FPGS: variants seen among roughly 807,000 people sequenced by gnomAD.
The protein encoded by FPGS is folylpolyglutamate synthase.
FPGS carries 53 observed loss-of-function variants against 66.5 expected under a neutral mutation model. That is an observed-to-expected ratio of 0.80 (90% CI 0.64 to 1.00). The LOEUF is 1.00. Among genes scored for constraint, FPGS ranks in the 50% least tolerant of loss-of-function variants. FPGS has a pLI of 0.00. For synonymous variants in FPGS, 348 were observed against 350.9 expected, an observed-to-expected ratio of 0.99 and a Z score of 0.09; for missense variants, 702 against 807.7, an observed-to-expected ratio of 0.87 and a Z score of 1.59.
intron 13 of FPGS, 73 bp from the exon 14 acceptor site, chr9:127,810,872 G>A (rs1830043308): frequency 6.6e-6 from 5 of 753,750 alleles, no homozygotes; most frequent in South Asian, 1.6e-5. Context: ...AGATGTGGGC[G>A]CAGGGGGCCA....
Position 127,803,204 on chromosome 9 carries a change from A to C in FPGS, c.138+142A>C, listed in dbSNP as rs1283491095. ...GGACTCGGGGGGCGGAACATCCTGGAGGCTGGGGGTGGGGACAGGGACCAG... is the reference window on the plus strand; with the variant it reads ...GGACTCGGGGGGCGGAACATCCTGGCGGCTGGGGGTGGGGACAGGGACCAG... On this transcript the variant is annotated intron_variant, in intron 1 of 14. Coordinates refer to ENST00000373247, the MANE Select transcript of FPGS (RefSeq NM_004957.6). 1.6e-5 allele frequency: 15 copies of C among 959,820 alleles called. No homozygotes were observed. The East Asian group carries it at 2.1e-4, about 13-fold the overall frequency. The allele number at this position is 959,820 out of a possible 1,614,324, so 59.5% of individuals were successfully genotyped here.
At chr9:127,811,783 G>C (rs1830091736) in intron 14 of FPGS, among the ~76,000 whole-genome samples, 1 of 151,954 alleles carries the variant, frequency 6.6e-6, no homozygotes, top group Non-Finnish European at 1.5e-5. Flanking sequence ...ACCACGCCCA[G>C]CCAGCATTTT....
At chr9:127,806,848 C>T in intron 4 of FPGS, 125 bp from the exon 5 acceptor site, 1 of 712,648 alleles carries the variant, frequency 1.4e-6, no homozygotes, top group Admixed American at 2.1e-5. Context: ...GGATGGGGCA[C>T]CAGGAACAAA....
In FPGS at chr9:127,810,964, C is replaced by T. The variant is rs867040154; in HGVS notation, c.1307C>T (p.Ala436Val). Residue 436 changes from alanine to valine, a missense_variant, in exon 14 of 15, where the codon GCC (alanine) becomes GTC (valine). Physicochemically the swap from Ala to Val is moderately conservative, Grantham distance 64. Around this residue, in one of 3 missense-constraint regions of FPGS, gnomAD observed 351 missense variants for 363.7 expected, o/e 0.97. Transcript: ENST00000373247. ...TTCTAGCCCTGCCAGTTTGACTATG[C>T]CGTCTTCTGCCCTAACCTGACAGAG... ...KLLQPCQFDYAVFCPNLTEVS... is the reference protein window; with the variant it reads ...KLLQPCQFDYVVFCPNLTEVS... 1 of 1,580,654 alleles carries T rather than the reference C, an allele frequency of 6.3e-7. No homozygotes were observed. The highest frequency in any genetic ancestry group is 8.6e-7 in the Non-Finnish European group (1 of 1,160,420).
At chr9:127,804,735 C>T in intron 4 of FPGS, 35 bp downstream of exon 4, 1 of 1,608,398 alleles carries the variant, frequency 6.2e-7, no homozygotes, top group South Asian at 1.1e-5. Flanking sequence ...TGTCTGTGTC[C>T]CAATGGACCC....
rs777984461 is a variant in FPGS at position 127,808,884 on chromosome 9, G to A, written c.1055G>A (p.Arg352Gln). ...GTGTTCCAGCCCACATCCCACATGC[G>A]GCTCGGTGAGTTAGACCTTCCTGCC... The part of the protein sequence containing the change: ...APVFQPTSHM[R>Q]LGLRNTEWPG... Residue 352 changes from arginine (R) to glutamine (Q), a missense_variant, in exon 11 of 15, where the codon CGG (arginine) becomes CAG (glutamine). Transcript: ENST00000373247. 3.2e-6 allele frequency: 5 copies of A among 1,559,814 alleles called. No individual in the cohort carries two copies. Among genetic ancestry groups the A allele is most frequent in the South Asian group, 2.4e-5 (2 of 84,672 alleles).
chr9:127,807,243 G>C lies in FPGS; in HGVS notation c.536G>C (p.Arg179Pro). The change falls in exon 6 of 15, where the codon CGC becomes CCC. Residue 179 changes from arginine to proline, a missense_variant. Physicochemically the swap from Arg to Pro is moderately radical, Grantham distance 103 (BLOSUM62 -2). Coordinates refer to ENST00000373247, the MANE Select transcript of FPGS (RefSeq NM_004957.6). The surrounding 1 kb of genome is among the most constrained non-coding windows in gnomAD (Gnocchi z 5.8). ...TGTGTCTCCATGCCCCCCTACTTCC[G>C]CTTCCTGACACTCATGGCCTTCCAC... ...GSCVSMPPYFRFLTLMAFHVF... is the reference protein window; with the variant it reads ...GSCVSMPPYFPFLTLMAFHVF... 1.2e-6 allele frequency: 2 copies of C among 1,614,118 alleles called. No individual in the cohort carries two copies. The highest frequency in any genetic ancestry group is 8.5e-7 in the Non-Finnish European group (1 of 1,180,020).
At chr9:127,806,469 G>A (rs547256323) in intron 4 of FPGS, 1 of 161,042 alleles carries the variant, frequency 6.2e-6, no homozygotes, top group Non-Finnish European at 1.4e-5. Context: ...TTGCACCACT[G>A]CACTCCAGCC....
chr9:127,803,094 G>A (rs746485228), intron 1 of FPGS, 32 bp downstream of exon 1: 24 of 1,363,834 alleles, frequency 1.8e-5, no homozygotes, highest in Non-Finnish European at 2.1e-5. Context: ...CAGCGGGCCT[G>A]GGCGCGACGA....
chr9:127,813,263 A>C lies in FPGS; in HGVS notation c.1423A>C (p.Asn475His). 1.2e-6 allele frequency: 2 copies of C among 1,612,516 alleles called. No homozygotes were observed. The highest frequency in any genetic ancestry group is 1.7e-6 in the Non-Finnish European group (2 of 1,179,548). Residue 475 changes from asparagine (N) to histidine (H), a missense_variant, in exon 15 of 15, where the codon AAC becomes CAC. Physicochemically the swap from Asn to His is moderately conservative, Grantham distance 68. Coordinates refer to ENST00000373247, the MANE Select transcript of FPGS (RefSeq NM_004957.6). ...LRCLEHQQHWNHLDEEQASPD... is the reference protein window; with the variant it reads ...LRCLEHQQHWHHLDEEQASPD... ...CTGCCTGGAACACCAGCAGCACTGG[A>C]ACCACCTGGACGAAGAGCAGGCCAG... is the stretch of plus-strand genomic sequence containing the variant.
rs1830056400 is a variant in FPGS, at chr9:127,811,088, G to A, written c.1354+77G>A. 6 of 765,320 alleles carry A rather than the reference G, an allele frequency of 7.8e-6. No homozygotes were observed. The South Asian group carries it at 8.7e-5, about 11-fold the overall frequency. The allele number at this position is 765,320 out of a possible 1,614,324, so 47.4% of individuals were successfully genotyped here. ...GACAGTGGGGGCTTCCAAACTGGAG[G>A]TTTGGGGTAGGAAATAAATTTGTTT... On this transcript the variant is annotated intron_variant, in intron 14 of 14. Transcript: ENST00000373247.
rs746540168 is a variant in FPGS at position 127,804,322 on chromosome 9, C to T, written c.176C>T (p.Ala59Val). The T allele has an allele frequency of 1.2e-6, 2 of 1,614,218 alleles. No individual in the cohort carries two copies. The highest frequency in any genetic ancestry group is 1.7e-6 in the Non-Finnish European group (2 of 1,180,038). The stretch of plus-strand genomic sequence containing the variant: ...ATGCTCAATACCCTGCAGACCAATG[C>T]CGGCTACCTGGAGCAGGTGAAGCGC... ...VRMLNTLQTN[A>V]GYLEQVKRQR... Residue 59 changes from alanine (A) to valine (V), a missense_variant, in exon 2 of 15, where the codon GCC becomes GTC. Physicochemically the swap from Ala to Val is moderately conservative, Grantham distance 64. Coordinates refer to ENST00000373247, the MANE Select transcript of FPGS (RefSeq NM_004957.6).
intron 8 of FPGS, 72 bp from the exon 9 acceptor site, chr9:127,808,162 G>A (rs1446121150): frequency 8.8e-7 from 1 of 1,137,262 alleles, no homozygotes; most frequent in Non-Finnish European, 1.3e-6. Context: ...CCAGACCCAG[G>A]GATGTGGGGG....
chr9:127,813,472 C>G lies in FPGS; in HGVS notation c.1632C>G (p.Leu544=), dbSNP rs779683994. 6.2e-7 allele frequency: 1 copy of G among 1,613,114 alleles called. No homozygotes were observed. The highest frequency in any genetic ancestry group is 1.7e-5 in the Admixed American group (1 of 59,948). The part of the protein sequence containing the change: ...IFQPPSPPKG[L]LTHPVAHSGA... Reference sequence around the variant, plus strand: ...AGCCACCTAGTCCCCCAAAGGGCCTCCTCACCCACCCTGTGGCTCACAGTG... The same window carrying G: ...AGCCACCTAGTCCCCCAAAGGGCCTGCTCACCCACCCTGTGGCTCACAGTG... The change falls in exon 15 of 15, where the codon CTC becomes CTG. Residue 544 remains leucine, a synonymous_variant. Coordinates refer to ENST00000373247, the MANE Select transcript of FPGS (RefSeq NM_004957.6).
At chr9:127,808,518 G>A in intron 9 of FPGS, 40 bp from the exon 10 acceptor site, 2 of 1,609,546 alleles carry the variant, frequency 1.2e-6, no homozygotes, top group Non-Finnish European at 8.5e-7. Flanking sequence ...ACGTGGTCAG[G>A]GAGGGCCTCT....
chr9:127,807,735 G>T lies in FPGS; in HGVS notation c.744+47G>T. 2.4e-6 allele frequency: 3 copies of T among 1,263,842 alleles called. No homozygotes were observed. The highest frequency in any genetic ancestry group is 3.3e-6 in the Non-Finnish European group (3 of 903,078). 78.3% of individuals were successfully genotyped at this position (1,263,842 alleles called of 1,614,324 possible). On this transcript the variant is annotated intron_variant, in intron 8 of 14. Coordinates refer to ENST00000373247, the MANE Select transcript of FPGS (RefSeq NM_004957.6). The surrounding 1 kb of genome is among the most constrained non-coding windows in gnomAD (Gnocchi z 5.8). ...AGGGAGAGACATGGAAGGCCTGGGA[G>T]TCTACGTTTTCATCCTGGCTTCACT...
At chr9:127,803,676 C>T (rs1829696601) in intron 1 of FPGS, among the ~76,000 whole-genome samples, 1 of 152,226 alleles carries the variant, frequency 6.6e-6, no homozygotes, top group East Asian at 1.9e-4. Flanking sequence ...CCTTGAGGTC[C>T]TGAGGGTGGG....
chr9:127,813,596 T>A lies in FPGS; in HGVS notation c.1756T>A (p.Ser586Thr). 6.6e-7 allele frequency: 1 copy of A among 1,519,326 alleles called. No individual in the cohort carries two copies. The highest frequency in any genetic ancestry group is 8.8e-7 in the Non-Finnish European group (1 of 1,131,580). 94.1% of individuals were successfully genotyped at this position (1,519,326 alleles called of 1,614,324 possible). A position where few individuals can be genotyped will look rare whatever the true frequency, so the allele number is the denominator to read the frequency against. The change falls in exon 15 of 15, where the codon TCC becomes ACC. Residue 586 changes from serine (S) to threonine (T), a missense_variant. Physicochemically the swap from Ser to Thr is moderately conservative, Grantham distance 58 (BLOSUM62 1). Transcript: ENST00000373247. Reference protein sequence around the residue: ...GVLKLLEPALSQ With the variant: ...GVLKLLEPALTQ ...CCTGAAGCTGCTGGAGCCCGCACTG[T>A]CCCAGTAGCCAAGGCCCGGGGTTGG...
At chr9:127,806,783 C>T (rs971685921) in intron 4 of FPGS, 190 bp from the exon 5 acceptor site, 6 of 597,972 alleles carry the variant, frequency 1.0e-5, no homozygotes, top group African/African-American at 9.3e-5. Context: ...GAGCCAGGTG[C>T]AGAGGCCTGG....
Sources: allele counts gnomAD v4.1 joint callset (sites outside exome capture counted in the v4.1 genomes callset), GRCh38; gene constraint gnomAD v4.1.1; regional missense constraint gnomAD v4.1.1; non-coding constraint Gnocchi (gnomAD v3.1); transcripts MANE v1.5; gene names NCBI Gene and HGNC (gene_info 2026-07-23, HGNC 2026-07-21).